The following WDFY2 variants were observed in gnomAD, a reference collection of about 807,000 sequenced individuals.
The protein encoded by WDFY2 is WD repeat and FYVE domain-containing protein 2.
In WDFY2, 36 loss-of-function variants were observed where a neutral mutation model predicts 56.4. The observed-to-expected ratio is 0.64, with a 90% CI of 0.49 to 0.84. The LOEUF is 0.84. Among genes scored for constraint, WDFY2 ranks in the 40% least tolerant of loss-of-function variants. The probability of loss-of-function intolerance (pLI) is 0.00; values close to 1 mark genes in which losing one functional copy is unlikely to be tolerated. For missense variants in WDFY2, 444 were observed against 512.2 expected (o/e 0.87, Z 1.29); for synonymous variants, 176 against 183.7 (o/e 0.96, Z 0.34).
chr13:51,591,587 A>C (rs2138287767), intron 1 of WDFY2: 1 of 152,304 alleles, frequency 6.6e-6, no homozygotes, highest in East Asian at 1.9e-4. Flanking sequence ...GACAGAAACA[A>C]AGGTTTTATG....
At chr13:51,666,283 A>G (rs1955698780) in intron 2 of WDFY2, among the ~76,000 whole-genome samples, 1 of 152,194 alleles carries the variant, frequency 6.6e-6, no homozygotes, top group African/African-American at 2.4e-5. Flanking sequence ...TGATGTGTAC[A>G]TTATATGAAG....
In WDFY2 at chr13:51,729,868, C is replaced by T. The variant is rs543037821; in HGVS notation, c.598+2078C>T. 8.5e-5 allele frequency among the ~76,000 whole-genome samples: 13 copies of T among 152,262 alleles called. 1 individual carries two copies. The South Asian group carries it at 1.7e-3, about 19-fold the overall frequency. Reference sequence around the variant, plus strand: ...ACCATTTTAACCATTTTTAAATGTGCTGTTCAATGACATTAACTACATTCA... The same window carrying T: ...ACCATTTTAACCATTTTTAAATGTGTTGTTCAATGACATTAACTACATTCA... On this transcript the variant is annotated intron_variant, in intron 6 of 11. Transcript: ENST00000298125.
At chr13:51,695,116 C>T (rs1028101655) in intron 3 of WDFY2, among the ~76,000 whole-genome samples, 22 of 152,128 alleles carry the variant, frequency 1.4e-4, no homozygotes, top group South Asian at 4.1e-4. Flanking sequence ...ACTTCTTTGC[C>T]TTTGGCTTGA....
chr13:51,639,747 T>C (rs771490275), intron 1 of WDFY2, among the ~76,000 whole-genome samples: 11 of 152,226 alleles, frequency 7.2e-5, no homozygotes, highest in Admixed American at 3.3e-4. Flanking sequence ...TGCCATTTGG[T>C]GTTTTTCAGT....
rs555900217 is a variant in WDFY2, at chr13:51,760,387, C to T, written c.*618C>T. On this transcript the variant is annotated 3_prime_UTR_variant, in exon 12 of 12. Coordinates refer to ENST00000298125, the MANE Select transcript of WDFY2 (RefSeq NM_052950.4). ...AGCGATTTGTTTGTAATGTCTGCCT[C>T]ATTCACGTTCTTATGAAGTAGAAAA... 8 of 152,286 alleles carry T rather than the reference C, an allele frequency of 5.3e-5. No homozygotes were observed. The highest frequency in any genetic ancestry group is 2.6e-4 in the Admixed American group (4 of 15,290). The allele number at this position is 152,286 out of a possible 1,614,324, so 9.4% of individuals were successfully genotyped here.
rs571636370 is a variant in WDFY2 at position 51,699,530 on chromosome 13, T to G, written c.280-4066T>G. Among the ~76,000 whole-genome samples the G allele has an allele frequency of 2.0e-5, 3 of 152,322 alleles. No homozygotes were observed. The South Asian group carries it at 6.2e-4, about 32-fold the overall frequency. On this transcript the variant is annotated intron_variant, in intron 3 of 11. Transcript: ENST00000298125. ...TTCAGAGAACCAGGCTACAGCAGAA[T>G]TTGAACAGAAAATTCATAAAACAAG...
chr13:51,647,355 A>G (rs1205449807), intron 1 of WDFY2, among the ~76,000 whole-genome samples: 3 of 152,230 alleles, frequency 2.0e-5, no homozygotes, highest in Admixed American at 2.0e-4. Context: ...TAGGCGACAA[A>G]TTTGTGTATC....
rs919152656 is a variant in WDFY2 at position 51,766,358 on chromosome 13, C to T, written c.*6589C>T. On this transcript the variant is annotated 3_prime_UTR_variant, in exon 12 of 12. Coordinates refer to ENST00000298125, the MANE Select transcript of WDFY2 (RefSeq NM_052950.4). Reference sequence around the variant, plus strand: ...AGGGACACGGATCTTCCATTCTCTACATCCACCGGACTGCAGCCCAAGTCT... The same window carrying T: ...AGGGACACGGATCTTCCATTCTCTATATCCACCGGACTGCAGCCCAAGTCT... The T allele has an allele frequency of 6.6e-6, 1 of 152,264 alleles. No individual in the cohort carries two copies. The highest frequency in any genetic ancestry group is 6.5e-5 in the Admixed American group (1 of 15,290). The allele number at this position is 152,264 out of a possible 1,614,324, so 9.4% of individuals were successfully genotyped here.
intron 2 of WDFY2, among the ~76,000 whole-genome samples, chr13:51,663,226 A>G (rs903532670): frequency 3.3e-5 from 5 of 152,264 alleles, no homozygotes; most frequent in African/African-American, 1.2e-4. Context: ...TTGTGACATT[A>G]TAGCAAACAT....
At chr13:51,621,096 C>T (rs1954717483) in intron 1 of WDFY2, among the ~76,000 whole-genome samples, 1 of 152,258 alleles carries the variant, frequency 6.6e-6, no homozygotes. Flanking sequence ...TTTCTGTCCT[C>T]TTCTCTCTTC....
intron 1 of WDFY2, among the ~76,000 whole-genome samples, chr13:51,596,080 A>T (rs1346926304): frequency 6.6e-6 from 1 of 152,240 alleles, no homozygotes; most frequent in African/African-American, 2.4e-5. Context: ...TTAGAATCTC[A>T]GTAACCTGTT....
intron 3 of WDFY2, among the ~76,000 whole-genome samples, chr13:51,690,203 TTA>T (rs1491013714): frequency 1.3e-5 from 2 of 150,594 alleles, no homozygotes; most frequent in East Asian, 1.9e-4. Context: ...TATATTTTTT[TTA>T]TTATTATACT....
At chr13:51,604,092 A>G (rs1022133064) in intron 1 of WDFY2, among the ~76,000 whole-genome samples, 5 of 152,220 alleles carry the variant, frequency 3.3e-5, no homozygotes, top group Admixed American at 1.3e-4. Flanking sequence ...AAATATTTAC[A>G]TGTTTAAAGT....
intron 1 of WDFY2, among the ~76,000 whole-genome samples, chr13:51,622,028 G>A (rs1192849489): frequency 1.3e-5 from 2 of 152,078 alleles, no homozygotes; most frequent in African/African-American, 4.8e-5. Flanking sequence ...GAAGGGAGGC[G>A]GGAAAGATGG....
intron 8 of WDFY2, 79 bp downstream of exon 8, chr13:51,751,494 T>G: frequency 7.6e-7 from 1 of 1,319,308 alleles, no homozygotes; most frequent in South Asian, 1.2e-5. Flanking sequence ...ATTTCTTTTA[T>G]GATTAAACCA....
At chr13:51,629,826 CTTTTTT>C (rs11432630) in intron 1 of WDFY2, among the ~76,000 whole-genome samples, 9 of 125,142 alleles carry the variant, frequency 7.2e-5, no homozygotes, top group Non-Finnish European at 1.3e-4. Context: ...TCTTTCTTTT[CTTTTTT>C]TTTTTTTTTG....
intron 4 of WDFY2, among the ~76,000 whole-genome samples, chr13:51,711,107 T>C (rs1256040605): frequency 2.7e-5 from 4 of 150,424 alleles, no homozygotes; most frequent in African/African-American, 9.8e-5. Context: ...ATCAATGGAA[T>C]AGAATAGAGC....
At chr13:51,640,906 C>A (rs1000971868) in intron 1 of WDFY2, among the ~76,000 whole-genome samples, 4 of 151,630 alleles carry the variant, frequency 2.6e-5, no homozygotes, top group Admixed American at 2.0e-4. Flanking sequence ...ATGATTATAT[C>A]TTTGCTCACT....
At chr13:51,610,116 G>A (rs1290441213) in intron 1 of WDFY2, among the ~76,000 whole-genome samples, 1 of 152,148 alleles carries the variant, frequency 6.6e-6, no homozygotes, top group Non-Finnish European at 1.5e-5. Context: ...TGAATGTGTG[G>A]AGAGGGGTGT....
Sources: gnomAD v4.1 joint callset for allele counts (sites outside exome capture counted in the v4.1 genomes callset) on GRCh38, gnomAD v4.1.1 for gene constraint, MANE v1.5 for transcripts, NCBI Gene and HGNC (gene_info 2026-07-23, HGNC 2026-07-21) for gene names.